ADIPOR2: variants seen among roughly 807,000 people sequenced by gnomAD.
ADIPOR2 encodes adiponectin receptor 2.
A neutral mutation model predicts 40.9 loss-of-function variants in ADIPOR2; 18 were observed. The observed-to-expected ratio is 0.44, with a 90% CI of 0.30 to 0.65. The LOEUF is 0.65. Ranked by LOEUF, ADIPOR2 falls within the 30% of genes least tolerant of loss-of-function variation. The probability of loss-of-function intolerance (pLI) is 0.09; values close to 1 mark genes in which losing one functional copy is unlikely to be tolerated. For synonymous variants in ADIPOR2, 165 were observed against 166.4 expected, an observed-to-expected ratio of 0.99 and a Z score of 0.06; for missense variants, 283 against 479.2, an observed-to-expected ratio of 0.59 and a Z score of 3.82.
chr12:1,781,922 T>A (rs1862727750), intron 6 of ADIPOR2, among the ~76,000 whole-genome samples: 1 of 152,214 alleles, frequency 6.6e-6, no homozygotes, highest in African/African-American at 2.4e-5. Context: ...TTGGTCAGGG[T>A]CAGCTTTCAA....
intron 1 of ADIPOR2, among the ~76,000 whole-genome samples, chr12:1,719,775 A>G (rs550216382): frequency 1.3e-5 from 2 of 152,068 alleles, no homozygotes; most frequent in Admixed American, 6.5e-5. Context: ...CCTGGGTTCA[A>G]GCAGTTCTCC....
intron 1 of ADIPOR2, among the ~76,000 whole-genome samples, chr12:1,704,237 C>T (rs2094657360): frequency 6.6e-6 from 1 of 151,850 alleles, no homozygotes; most frequent in African/African-American, 2.4e-5. Context: ...TGTCCTTCAC[C>T]AGGCTGCTTC....
intron 2 of ADIPOR2, among the ~76,000 whole-genome samples, 182 bp downstream of exon 2, chr12:1,754,696 TTATTACTACTACTACTAC>T (rs1229601541): frequency 1.2e-4 from 7 of 60,180 alleles, no homozygotes; most frequent in Non-Finnish European, 1.5e-4. Flanking sequence ...TTTATTATTA[TTATTACTACTACTACTAC>T]TACTACTACT....
At chr12:1,720,792 A>G (rs1341230332) in intron 1 of ADIPOR2, among the ~76,000 whole-genome samples, 1 of 152,186 alleles carries the variant, frequency 6.6e-6, no homozygotes, top group Non-Finnish European at 1.5e-5. Flanking sequence ...GAGTTGTGAA[A>G]GGAAATTAAA....
intron 1 of ADIPOR2, among the ~76,000 whole-genome samples, chr12:1,709,656 A>ATCT (rs1307807687): frequency 6.6e-6 from 1 of 152,180 alleles, no homozygotes; most frequent in Admixed American, 6.5e-5. Context: ...ATAAGTGGAG[A>ATCT]CATGTAGAGA....
At chr12:1,722,058 G>A (rs73591726) in intron 1 of ADIPOR2, among the ~76,000 whole-genome samples, 3,609 of 152,292 alleles carry the variant, frequency 0.024, 128 homozygotes, top group African/African-American at 0.081. Context: ...TGTCGCTGCC[G>A]TGTGAAGACT....
At chr12:1,756,351 A>G (rs1711512265) in intron 2 of ADIPOR2, among the ~76,000 whole-genome samples, 1 of 151,502 alleles carries the variant, frequency 6.6e-6, no homozygotes, top group South Asian at 2.1e-4. Context: ...GGGTTTCACC[A>G]TGTTGGCCAG....
intron 2 of ADIPOR2, among the ~76,000 whole-genome samples, chr12:1,771,998 ATGT>A (rs543199741): frequency 5.3e-5 from 8 of 152,240 alleles, no homozygotes; most frequent in Non-Finnish European, 1.2e-4. Context: ...AGATCCATTG[ATGT>A]TAGTGGTGGA....
chr12:1,697,546 T>C (rs573645852), intron 1 of ADIPOR2: 1 of 152,858 alleles, frequency 6.5e-6, no homozygotes, highest in South Asian at 2.1e-4. Context: ...CATTGCTGTC[T>C]CTTAACACGA....
At chr12:1,735,521 T>C (rs1403380408) in intron 1 of ADIPOR2, among the ~76,000 whole-genome samples, 3 of 152,324 alleles carry the variant, frequency 2.0e-5, no homozygotes, top group Admixed American at 6.5e-5. Flanking sequence ...TTTCTAGATA[T>C]ACAATCATGT....
intron 3 of ADIPOR2, among the ~76,000 whole-genome samples, chr12:1,775,460 C>T (rs776243499): frequency 6.6e-6 from 1 of 152,064 alleles, no homozygotes; most frequent in East Asian, 1.9e-4. Context: ...TTTAGAAATA[C>T]CAGGGAAAAT....
chr12:1,755,046 AT>A (rs1245316602), intron 2 of ADIPOR2, among the ~76,000 whole-genome samples: 3 of 114,678 alleles, frequency 2.6e-5, no homozygotes, highest in African/African-American at 8.0e-5. Context: ...ATATTATTTG[AT>A]TTTGATTTTA....
intron 1 of ADIPOR2, among the ~76,000 whole-genome samples, chr12:1,708,803 T>G (rs1385555560): frequency 6.6e-6 from 1 of 151,934 alleles, no homozygotes; most frequent in African/African-American, 2.4e-5. Flanking sequence ...CACTGCAACA[T>G]CCGCCTCCCA....
chr12:1,725,195 C>T (rs1230651593), intron 1 of ADIPOR2, among the ~76,000 whole-genome samples: 1 of 151,798 alleles, frequency 6.6e-6, no homozygotes, highest in African/African-American at 2.4e-5. Context: ...GATCTTGGCT[C>T]ACTGCAGCCT....
In ADIPOR2 at chr12:1,786,093, C is replaced by T. The variant is rs1420094459; in HGVS notation, c.*21C>T. On this transcript the variant is annotated 3_prime_UTR_variant, in exon 8 of 8. Coordinates refer to ENST00000357103, the MANE Select transcript of ADIPOR2 (RefSeq NM_024551.3). ...TGTGATACCTACCAGTCTCCAGGGACTATGACCCTAAACCAGGGCCTGCGG... is the reference window on the plus strand; with the variant it reads ...TGTGATACCTACCAGTCTCCAGGGATTATGACCCTAAACCAGGGCCTGCGG... The T allele has an allele frequency of 1.2e-6, 2 of 1,611,632 alleles. No individual in the cohort carries two copies. Among genetic ancestry groups the T allele is most frequent in the East Asian group, 4.5e-5 (2 of 44,878 alleles).
chr12:1,754,130 A>G, intron 1 of ADIPOR2, 128 bp from the exon 2 acceptor site: 1 of 402,494 alleles, frequency 2.5e-6, no homozygotes, highest in Non-Finnish European at 4.3e-6. Context: ...CAACAAATAT[A>G]GCTTTTAAGT....
At chr12:1,702,214 T>G (rs2094651805) in intron 1 of ADIPOR2, among the ~76,000 whole-genome samples, 1 of 152,248 alleles carries the variant, frequency 6.6e-6, no homozygotes, top group Non-Finnish European at 1.5e-5. Context: ...TATCAGGTTG[T>G]ATTGCAAACA....
intron 1 of ADIPOR2, among the ~76,000 whole-genome samples, chr12:1,691,920 T>C (rs1476733281): frequency 6.6e-6 from 1 of 152,196 alleles, no homozygotes; most frequent in African/African-American, 2.4e-5. Flanking sequence ...GGTCCAAAAG[T>C]GAATTTTGGT....
intron 1 of ADIPOR2, among the ~76,000 whole-genome samples, chr12:1,705,179 A>G (rs954419060): frequency 3.3e-5 from 5 of 152,290 alleles, no homozygotes; most frequent in African/African-American, 1.2e-4. Flanking sequence ...CACATGTTTT[A>G]TCTGAACAGA....
Sources: allele counts gnomAD v4.1 joint callset (sites outside exome capture counted in the v4.1 genomes callset), GRCh38; gene constraint gnomAD v4.1.1; transcripts MANE v1.5; gene names NCBI Gene and HGNC (gene_info 2026-07-23, HGNC 2026-07-21).